The following PCDH15 variants were observed in gnomAD, a reference collection of about 807,000 sequenced individuals.
The protein encoded by PCDH15 is protocadherin related 15, also known as protocadherin-15.
Under a neutral mutation model 178.5 loss-of-function variants are expected in PCDH15, and 129 were observed. The observed-to-expected ratio is 0.72, with a 90% CI of 0.63 to 0.84. PCDH15 has a LOEUF of 0.84. Among genes scored for constraint, PCDH15 ranks in the 40% least tolerant of loss-of-function variants. PCDH15 has a pLI of 0.00. For synonymous variants in PCDH15, 800 were observed against 732.0 expected, an observed-to-expected ratio of 1.09 and a Z score of -1.50; for missense variants, 2,230 against 2,099.9, an observed-to-expected ratio of 1.06 and a Z score of -1.21.
chr10:54,016,180 C>T (rs893032413), intron 20 of PCDH15, among the ~76,000 whole-genome samples: 1 of 151,784 alleles, frequency 6.6e-6, no homozygotes, highest in Non-Finnish European at 1.5e-5. Context: ...CTCATCATCA[C>T]TAATCATGAG....
At chr10:55,207,996 AATAG>A (rs1391937973) in intron 1 of PCDH15, among the ~76,000 whole-genome samples, 1 of 152,108 alleles carries the variant, frequency 6.6e-6, no homozygotes, top group Non-Finnish European at 1.5e-5. Context: ...ACAAAAAATT[AATAG>A]ATACAGATAT....
intron 1 of PCDH15, among the ~76,000 whole-genome samples, chr10:55,241,217 AAAAC>A (rs765139710): frequency 4.6e-5 from 7 of 152,284 alleles, no homozygotes; most frequent in East Asian, 1.9e-4. Context: ...CTCCATGTCA[AAAAC>A]AAACAAACAA....
chr10:53,827,276 T>C, intron 32 of PCDH15, 117 bp downstream of exon 32: 1 of 1,300,156 alleles, frequency 7.7e-7, no homozygotes, highest in African/African-American at 1.5e-5. Context: ...TTGAAAATAA[T>C]AGAATAAAAT....
intron 20 of PCDH15, among the ~76,000 whole-genome samples, chr10:53,999,068 A>T (rs1342483533): frequency 6.6e-6 from 1 of 151,938 alleles, no homozygotes; most frequent in African/African-American, 2.4e-5. Context: ...AAAAAAAAAA[A>T]AAAAAGATAT....
chr10:54,113,495 G>A (rs1320429838), intron 15 of PCDH15, among the ~76,000 whole-genome samples: 2 of 152,008 alleles, frequency 1.3e-5, no homozygotes, highest in African/African-American at 4.8e-5. Flanking sequence ...AAGAAATGTG[G>A]CTTGAGTTTG....
chr10:55,329,879 A>G (rs1844151275), intron 2 of PCDH15, among the ~76,000 whole-genome samples: 1 of 151,760 alleles, frequency 6.6e-6, no homozygotes, highest in Non-Finnish European at 1.5e-5. Context: ...AGACCTATTA[A>G]GGTGACAAAT....
chr10:55,570,447 T>C (rs1413119790), intron 2 of PCDH15, among the ~76,000 whole-genome samples: 2 of 152,006 alleles, frequency 1.3e-5, no homozygotes, highest in Non-Finnish European at 2.9e-5. Context: ...TCATTTATTT[T>C]TAAATTTAAG....
At chr10:55,308,317 G>A (rs1843484447) in intron 1 of PCDH15, among the ~76,000 whole-genome samples, 1 of 152,154 alleles carries the variant, frequency 6.6e-6, no homozygotes, top group African/African-American at 2.4e-5. Flanking sequence ...ACTAGAGAAT[G>A]GAAGTTGGCT....
intron 35 of PCDH15, among the ~76,000 whole-genome samples, chr10:53,815,777 GA>G (rs2132427358): frequency 6.6e-6 from 1 of 151,964 alleles, no homozygotes; most frequent in Non-Finnish European, 1.5e-5. Flanking sequence ...CATTGCAGAA[GA>G]AAATGCCATA....
intron 2 of PCDH15, among the ~76,000 whole-genome samples, chr10:55,121,352 C>T (rs1376795663): frequency 1.4e-5 from 1 of 71,444 alleles, no homozygotes; most frequent in Non-Finnish European, 4.3e-5. Context: ...TTCACAGGCT[C>T]AGAGCTGGGG....
chr10:55,116,725 C>G (rs1246175018), intron 2 of PCDH15, among the ~76,000 whole-genome samples: 1 of 152,136 alleles, frequency 6.6e-6, no homozygotes, highest in Non-Finnish European at 1.5e-5. Flanking sequence ...AAATATGACA[C>G]GTGGGCATTT....
At chr10:54,003,575 T>C (rs1216777243) in intron 20 of PCDH15, among the ~76,000 whole-genome samples, 2 of 151,688 alleles carry the variant, frequency 1.3e-5, no homozygotes, top group African/African-American at 2.4e-5. Context: ...ATCCAAAACA[T>C]TGAACAAACT....
intron 2 of PCDH15, among the ~76,000 whole-genome samples, chr10:54,543,107 C>T (rs2133017556): frequency 6.6e-6 from 1 of 151,518 alleles, no homozygotes; most frequent in South Asian, 2.1e-4. Flanking sequence ...GAGCCGTGGC[C>T]CCCCAAAACT....
intron 8 of PCDH15, among the ~76,000 whole-genome samples, chr10:54,282,500 ACTT>A (rs1366818018): frequency 6.6e-6 from 1 of 152,116 alleles, no homozygotes; most frequent in African/African-American, 2.4e-5. Context: ...ATTATAAACA[ACTT>A]CATTTCCTGC....
intron 2 of PCDH15, among the ~76,000 whole-genome samples, chr10:54,962,591 T>C (rs1208514976): frequency 1.3e-5 from 2 of 152,168 alleles, no homozygotes; most frequent in Non-Finnish European, 2.9e-5. Flanking sequence ...TAGACACAGC[T>C]GACAACAGTG....
chr10:54,589,425 C>G (rs1275155518), intron 2 of PCDH15, among the ~76,000 whole-genome samples: 2 of 152,166 alleles, frequency 1.3e-5, no homozygotes, highest in African/African-American at 4.8e-5. Flanking sequence ...TTCCAGTTTT[C>G]CTATACTCTC....
chr10:54,760,471 GAAC>G (rs1947729539), intron 1 of PCDH15, among the ~76,000 whole-genome samples: 1 of 152,128 alleles, frequency 6.6e-6, no homozygotes, highest in East Asian at 1.9e-4. Flanking sequence ...TGGATAATGA[GAAC>G]AACAGAAGTG....
chr10:54,150,046 C>T (rs2133294351), intron 14 of PCDH15, among the ~76,000 whole-genome samples: 1 of 152,122 alleles, frequency 6.6e-6, no homozygotes, highest in East Asian at 1.9e-4. Context: ...ATAAGTTTGA[C>T]AGGAGTACTG....
intron 2 of PCDH15, among the ~76,000 whole-genome samples, chr10:55,164,494 ATAAT>A (rs1364506270): frequency 1.3e-5 from 2 of 151,304 alleles, no homozygotes; most frequent in African/African-American, 2.4e-5. Context: ...TGTAAGAAAA[ATAAT>A]TAAGTAATAC....
Sources: allele counts gnomAD v4.1 joint callset (sites outside exome capture counted in the v4.1 genomes callset), GRCh38; gene constraint gnomAD v4.1.1; transcripts MANE v1.5; gene names NCBI Gene and HGNC (gene_info 2026-07-23, HGNC 2026-07-21).